TTC28: variants seen among roughly 807,000 people sequenced by gnomAD.
TTC28 encodes tetratricopeptide repeat protein 28.
A neutral mutation model predicts 198.0 loss-of-function variants in TTC28; 61 were observed. That is an observed-to-expected ratio of 0.31 (90% CI 0.25 to 0.38). The LOEUF is 0.38. Among genes scored for constraint, TTC28 ranks in the 10% least tolerant of loss-of-function variants. The probability of loss-of-function intolerance (pLI) is 1.00; values close to 1 mark genes in which losing one functional copy is unlikely to be tolerated. For missense variants in TTC28, 2,678 were observed against 3,164.0 expected, an observed-to-expected ratio of 0.85 and a Z score of 3.69; for synonymous variants, 1,171 against 1,297.8, an observed-to-expected ratio of 0.90 and a Z score of 2.10.
intron 6 of TTC28, among the ~76,000 whole-genome samples, chr22:28,158,273 T>C (rs1212787201): frequency 2.6e-5 from 4 of 151,816 alleles, no homozygotes. Context: ...CACCAAGAAC[T>C]GGAAAAATCT....
At chr22:28,573,557 A>C (rs576673664) in intron 2 of TTC28, among the ~76,000 whole-genome samples, 7 of 152,064 alleles carry the variant, frequency 4.6e-5, no homozygotes, top group Non-Finnish European at 1.0e-4. Context: ...AATTTTTTTC[A>C]ATTTTTATGG....
chr22:28,239,366 C>G (rs75453968), intron 5 of TTC28, among the ~76,000 whole-genome samples: 1 of 151,980 alleles, frequency 6.6e-6, no homozygotes, highest in Non-Finnish European at 1.5e-5. Flanking sequence ...CTGGAAAGAG[C>G]ACCACTCTAC....
At chr22:28,458,877 T>A (rs1468486655) in intron 2 of TTC28, among the ~76,000 whole-genome samples, 1 of 145,840 alleles carries the variant, frequency 6.9e-6, no homozygotes, top group Non-Finnish European at 1.5e-5. Context: ...CGAGACTCCA[T>A]CTCAAAAAAA....
At chr22:28,081,781 T>A (rs537571492) in intron 12 of TTC28, among the ~76,000 whole-genome samples, 1 of 152,210 alleles carries the variant, frequency 6.6e-6, no homozygotes, top group Non-Finnish European at 1.5e-5. Flanking sequence ...CATAAGCCAC[T>A]GAGCCCGGCT....
Position 28,491,446 on chromosome 22 carries a change from G to A in TTC28, c.381+138106C>T, listed in dbSNP as rs191911204. Among the ~76,000 whole-genome samples the A allele has an allele frequency of 1.0e-3, 158 of 152,192 alleles. 1 individual carries two copies. Among genetic ancestry groups the A allele is most frequent in the Non-Finnish European group, 1.8e-3 (120 of 67,994 alleles). ...CAAACAACCCCATCAACAAGTGGGC[G>A]AAGGATATGAACAGACACTTCTCAA... On this transcript the variant is annotated intron_variant, in intron 2 of 22. Coordinates refer to ENST00000397906, the MANE Select transcript of TTC28 (RefSeq NM_001145418.2).
chr22:28,084,308 C>G (rs1202199121), intron 12 of TTC28, among the ~76,000 whole-genome samples: 1 of 152,184 alleles, frequency 6.6e-6, no homozygotes, highest in African/African-American at 2.4e-5. Flanking sequence ...TCCTCTGAGA[C>G]AAAACTTCCA....
chr22:28,409,246 A>G (rs528533905), intron 2 of TTC28, among the ~76,000 whole-genome samples: 3 of 152,326 alleles, frequency 2.0e-5, no homozygotes, highest in Admixed American at 6.5e-5. Flanking sequence ...ATTATTAAAG[A>G]GCCGAGAGAA....
At chr22:28,215,642 G>A (rs1045286336) in intron 5 of TTC28, among the ~76,000 whole-genome samples, 2 of 152,126 alleles carry the variant, frequency 1.3e-5, no homozygotes, top group African/African-American at 4.8e-5. Flanking sequence ...GTGTGTATGT[G>A]TAAGAGAGAG....
intron 6 of TTC28, among the ~76,000 whole-genome samples, chr22:28,147,085 A>G (rs1419766427): frequency 6.6e-6 from 1 of 152,238 alleles, no homozygotes; most frequent in African/African-American, 2.4e-5. Flanking sequence ...CAAGTTGAGA[A>G]CAGGCTTAGT....
At chr22:28,411,213 T>C (rs959293017) in intron 2 of TTC28, among the ~76,000 whole-genome samples, 5 of 152,202 alleles carry the variant, frequency 3.3e-5, no homozygotes, top group Admixed American at 2.6e-4. Flanking sequence ...TGCATCTTTG[T>C]AATGTTTTGT....
At chr22:28,258,457 T>G (rs1044523486) in intron 5 of TTC28, among the ~76,000 whole-genome samples, 11 of 152,198 alleles carry the variant, frequency 7.2e-5, no homozygotes, top group African/African-American at 2.7e-4. Flanking sequence ...TATTAGTACC[T>G]TTATATTTAA....
At chr22:28,402,571 AT>A (rs1457113004) in intron 2 of TTC28, among the ~76,000 whole-genome samples, 1 of 152,026 alleles carries the variant, frequency 6.6e-6, no homozygotes, top group Admixed American at 6.6e-5. Flanking sequence ...CCTATCTGTA[AT>A]TATTTCTCAT....
At chr22:28,071,734 A>G (rs565952736) in intron 12 of TTC28, among the ~76,000 whole-genome samples, 2 of 128,196 alleles carry the variant, frequency 1.6e-5, no homozygotes, top group African/African-American at 6.1e-5. Flanking sequence ...AAAGTATAAT[A>G]AAAAAAAAAA....
At chr22:28,044,217 A>G (rs1399080857) in intron 12 of TTC28, among the ~76,000 whole-genome samples, 1 of 152,154 alleles carries the variant, frequency 6.6e-6, no homozygotes, top group Non-Finnish European at 1.5e-5. Flanking sequence ...CACTTTAGAA[A>G]TTGCTTTTCT....
intron 2 of TTC28, among the ~76,000 whole-genome samples, chr22:28,592,552 A>T (rs527294170): frequency 1.3e-5 from 2 of 152,300 alleles, no homozygotes; most frequent in Admixed American, 1.3e-4. Flanking sequence ...CTTCATTTAT[A>T]TGATTGGTTA....
chr22:28,102,311 C>A (rs1942179358), intron 8 of TTC28, among the ~76,000 whole-genome samples: 1 of 152,182 alleles, frequency 6.6e-6, no homozygotes, highest in Admixed American at 6.5e-5. Context: ...TTTTGATGTG[C>A]CTCAGCGGGG....
chr22:28,428,078 G>T (rs946450296), intron 2 of TTC28, among the ~76,000 whole-genome samples: 2 of 149,558 alleles, frequency 1.3e-5, no homozygotes, highest in Admixed American at 6.6e-5. Context: ...TACTCAAAAG[G>T]TTTAAATATT....
At chr22:28,485,472 C>T (rs1245739411) in intron 2 of TTC28, among the ~76,000 whole-genome samples, 6 of 152,052 alleles carry the variant, frequency 3.9e-5, no homozygotes, top group African/African-American at 1.2e-4. Flanking sequence ...TTTTCCATAT[C>T]GTTTGTCATT....
At chr22:28,335,136 G>C (rs1005528641) in intron 2 of TTC28, among the ~76,000 whole-genome samples, 3 of 152,086 alleles carry the variant, frequency 2.0e-5, no homozygotes, top group East Asian at 1.9e-4. Context: ...GCTTGTTTTT[G>C]TCAGGTTTGC....
Sources: gnomAD v4.1 joint callset for allele counts (sites outside exome capture counted in the v4.1 genomes callset) on GRCh38, gnomAD v4.1.1 for gene constraint, MANE v1.5 for transcripts, NCBI Gene and HGNC (gene_info 2026-07-23, HGNC 2026-07-21) for gene names.